Variants in ATL1 observed in about 807,000 individuals in gnomAD.
ATL1 encodes atlastin GTPase 1.
ATL1 carries 31 observed loss-of-function variants against 75.5 expected under a neutral mutation model. The ratio of observed to expected loss-of-function variants is 0.41; its 90% CI spans 0.31 to 0.55. The LOEUF (loss-of-function observed/expected upper bound fraction) is 0.55, where lower values mean the gene tolerates loss of function less well. Among genes scored for constraint, ATL1 ranks in the 20% least tolerant of loss-of-function variants. ATL1 has a pLI of 0.27. For missense variants in ATL1, 405 were observed against 662.6 expected (o/e 0.61, Z 4.27); for synonymous variants, 226 against 233.3 (o/e 0.97, Z 0.28).
intron 1 of ATL1, among the ~76,000 whole-genome samples, chr14:50,582,790 A>G (rs938670181): frequency 6.6e-6 from 1 of 152,128 alleles, no homozygotes; most frequent in African/African-American, 2.4e-5. Context: ...AAAATAAGAA[A>G]GGAAAGTCAT....
At chr14:50,572,163 A>G in intron 1 of ATL1, 1 of 345,160 alleles carries the variant, frequency 2.9e-6, no homozygotes, top group Non-Finnish European at 5.5e-6. Flanking sequence ...GTGGGCTTAC[A>G]GATCACTGAA....
At chr14:50,590,514 C>T (rs1341275475) in intron 2 of ATL1, among the ~76,000 whole-genome samples, 3 of 152,120 alleles carry the variant, frequency 2.0e-5, no homozygotes, top group Admixed American at 6.5e-5. Flanking sequence ...ATTTGCTTCC[C>T]TGGAAAATTC....
chr14:50,576,445 C>T (rs2039006905), intron 1 of ATL1, among the ~76,000 whole-genome samples: 1 of 152,238 alleles, frequency 6.6e-6, no homozygotes, highest in Non-Finnish European at 1.5e-5. Flanking sequence ...TGACCTGTTT[C>T]CTGCCCCCTC....
chr14:50,604,518 T>C (rs2039299339), intron 6 of ATL1, among the ~76,000 whole-genome samples: 1 of 152,136 alleles, frequency 6.6e-6, no homozygotes, highest in Non-Finnish European at 1.5e-5. Context: ...CATATACAAC[T>C]CGAAATTGGA....
At chr14:50,621,792 G>C in intron 9 of ATL1, 51 bp from the exon 10 acceptor site, 1 of 1,137,670 alleles carries the variant, frequency 8.8e-7, no homozygotes, top group Non-Finnish European at 1.3e-6. Context: ...TAGAATTAGA[G>C]GAAATATTGA....
intron 1 of ATL1, among the ~76,000 whole-genome samples, chr14:50,550,647 G>A (rs2038691116): frequency 6.6e-6 from 1 of 152,168 alleles, no homozygotes; most frequent in African/African-American, 2.4e-5. Context: ...GTGCCCTTAG[G>A]CCACAAAACA....
intron 6 of ATL1, among the ~76,000 whole-genome samples, chr14:50,604,018 G>C (rs1009397579): frequency 1.3e-5 from 2 of 152,114 alleles, no homozygotes; most frequent in Non-Finnish European, 1.5e-5. Flanking sequence ...GCAATTTATT[G>C]CATGCTTATT....
Position 50,632,468 on chromosome 14 carries a change from A to G in ATL1, c.*129A>G. The G allele has an allele frequency of 5.9e-6, 4 of 674,774 alleles. No individual in the cohort carries two copies. Among genetic ancestry groups the G allele is most frequent in the Non-Finnish European group, 1.1e-5 (4 of 371,872 alleles). 41.8% of individuals were successfully genotyped at this position (674,774 alleles called of 1,614,324 possible). A position where few individuals can be genotyped will look rare whatever the true frequency, so the allele number is the denominator to read the frequency against. ...ATACTAAACACCTCTGAAGACTGCAAACTGGATTAGTTCTTTTACTTCAGT... is the reference window on the plus strand; with the variant it reads ...ATACTAAACACCTCTGAAGACTGCAGACTGGATTAGTTCTTTTACTTCAGT... On this transcript the variant is annotated 3_prime_UTR_variant, in exon 14 of 14. Transcript: ENST00000358385.
intron 13 of ATL1, among the ~76,000 whole-genome samples, chr14:50,631,480 T>C (rs2039580478): frequency 6.6e-6 from 1 of 151,978 alleles, no homozygotes; most frequent in African/African-American, 2.4e-5. Context: ...TATGTGAAAG[T>C]CAGAGGAGGG....
chr14:50,584,217 A>T (rs1415127403), intron 1 of ATL1, among the ~76,000 whole-genome samples: 1 of 152,066 alleles, frequency 6.6e-6, no homozygotes, highest in African/African-American at 2.4e-5. Context: ...TCTACAAAAA[A>T]TACAGAAATT....
At chr14:50,631,487 A>G (rs2039580552) in intron 13 of ATL1, among the ~76,000 whole-genome samples, 1 of 152,164 alleles carries the variant, frequency 6.6e-6, no homozygotes, top group African/African-American at 2.4e-5. Context: ...AAGTCAGAGG[A>G]GGGGATGAAA....
At chr14:50,570,853 C>T (rs1003887859) in intron 1 of ATL1, among the ~76,000 whole-genome samples, 1 of 152,174 alleles carries the variant, frequency 6.6e-6, no homozygotes, top group African/African-American at 2.4e-5. Flanking sequence ...CTCTTTCCCA[C>T]AGTTTGCTAT....
chr14:50,552,731 G>A (rs935331783), intron 1 of ATL1, among the ~76,000 whole-genome samples: 2 of 152,052 alleles, frequency 1.3e-5, no homozygotes, highest in Non-Finnish European at 2.9e-5. Context: ...CTAACTGGTC[G>A]TCGACAAAAC....
Position 50,614,408 on chromosome 14 carries a change from C to T in ATL1, c.759C>T (p.Val253=). 5 of 1,614,068 alleles carry T rather than the reference C, an allele frequency of 3.1e-6. No individual in the cohort carries two copies. The highest frequency in any genetic ancestry group is 4.2e-6 in the Non-Finnish European group (5 of 1,179,960). ...ACCAGCATGAAGAACTACAGAACGT[C>T]AGAAAACACATCCATTCCTGTTTCA... ...SGNQHEELQN[V]RKHIHSCFTN... is the part of the protein sequence containing the mutation. The change falls in exon 8 of 14, where the codon GTC becomes GTT. Residue 253 remains valine, a synonymous_variant. Transcript: ENST00000358385.
chr14:50,580,745 T>C (rs1231486063), intron 1 of ATL1, among the ~76,000 whole-genome samples: 1 of 152,144 alleles, frequency 6.6e-6, no homozygotes, highest in East Asian at 1.9e-4. Flanking sequence ...AATGGTCTCT[T>C]ATTTTCTGTT....
intron 1 of ATL1, among the ~76,000 whole-genome samples, chr14:50,567,616 G>A (rs1434004431): frequency 2.6e-5 from 4 of 152,010 alleles, no homozygotes; most frequent in East Asian, 3.9e-4. Context: ...TCATATCTTC[G>A]CCAACACTTG....
chr14:50,579,552 G>C (rs997878942), intron 1 of ATL1, among the ~76,000 whole-genome samples: 1 of 152,142 alleles, frequency 6.6e-6, no homozygotes, highest in African/African-American at 2.4e-5. Flanking sequence ...AAGAAAGATT[G>C]CTGAAAATTT....
At chr14:50,622,623 G>A (rs1290638511) in intron 10 of ATL1, among the ~76,000 whole-genome samples, 4 of 151,890 alleles carry the variant, frequency 2.6e-5, no homozygotes, top group Admixed American at 1.3e-4. Flanking sequence ...CCGAGATCGC[G>A]CCACTGCACT....
At chr14:50,593,064 TA>T (rs1485244088) in intron 4 of ATL1, among the ~76,000 whole-genome samples, 2 of 151,594 alleles carry the variant, frequency 1.3e-5, no homozygotes, top group African/African-American at 4.8e-5. Context: ...AATACTGACT[TA>T]ATCTAATTTA....
Sources: allele counts gnomAD v4.1 joint callset (sites outside exome capture counted in the v4.1 genomes callset), GRCh38; gene constraint gnomAD v4.1.1; transcripts MANE v1.5; gene names NCBI Gene and HGNC (gene_info 2026-07-23, HGNC 2026-07-21).